The following ZNF66 variants were observed in gnomAD, a reference collection of about 807,000 sequenced individuals.
The protein encoded by ZNF66 is zinc finger protein 66.
In ZNF66, 32 loss-of-function variants were observed where a neutral mutation model predicts 35.2. The observed-to-expected ratio is 0.91, with a 90% CI of 0.69 to 1.22. The LOEUF is 1.22. Among genes scored for constraint, ZNF66 ranks in the 50% most tolerant of loss-of-function variants. ZNF66 has a pLI of 0.00. For synonymous variants in ZNF66, 231 were observed against 181.3 expected (o/e 1.27, Z -2.20); for missense variants, 666 against 543.1 (o/e 1.23, Z -2.25).
At chr19:20,805,769 A>G (rs1425737582) in intron 3 of ZNF66, 58 bp from the exon 4 acceptor site, 6 of 480,454 alleles carry the variant, frequency 1.2e-5, no homozygotes, top group South Asian at 5.5e-5. Flanking sequence ...TTAGATTTGT[A>G]AAGTATATTT....
At chr19:20,784,869 TTC>T (rs1971273434) in intron 1 of ZNF66, 2 of 152,792 alleles carry the variant, frequency 1.3e-5, no homozygotes, top group South Asian at 4.1e-4. Flanking sequence ...TTTAACTTCC[TTC>T]TCTCAAAATT....
At chr19:20,798,458 C>T (rs541675658) in intron 3 of ZNF66, among the ~76,000 whole-genome samples, 1 of 152,074 alleles carries the variant, frequency 6.6e-6, no homozygotes, top group South Asian at 2.1e-4. Flanking sequence ...AATAGCCAGG[C>T]ATGGTGGTGT....
At chr19:20,796,112 A>T (rs928449799) in intron 3 of ZNF66, among the ~76,000 whole-genome samples, 1 of 152,024 alleles carries the variant, frequency 6.6e-6, no homozygotes, top group African/African-American at 2.4e-5. Flanking sequence ...TGGTCTCAAA[A>T]TCCTGGCCTG....
rs920492451 is a variant in ZNF66, at chr19:20,808,288, A to C, written c.*966A>C. On this transcript the variant is annotated 3_prime_UTR_variant, in exon 4 of 4. Transcript: ENST00000344519. ...CCACCTCTGGGGTCAGGGCACAGAC[A>C]AAAAGACAGCAGTAACCTCTGCAGA... 6.6e-6 allele frequency among the ~76,000 whole-genome samples: 1 copy of C among 152,238 alleles called. No individual in the cohort carries two copies. The highest frequency in any genetic ancestry group is 1.5e-5 in the Non-Finnish European group (1 of 68,048).
chr19:20,786,878 C>G (rs995059184), intron 1 of ZNF66, among the ~76,000 whole-genome samples: 1 of 152,192 alleles, frequency 6.6e-6, no homozygotes, highest in Non-Finnish European at 1.5e-5. Context: ...TCTTCTGTCT[C>G]AGCCTCCCCA....
Position 20,806,079 on chromosome 19 carries a change from C to A in ZNF66, c.479C>A (p.Thr160Lys). The change falls in exon 4 of 4, where the codon ACA becomes AAA. Residue 160 changes from threonine (T) to lysine (K), a missense_variant. Physicochemically the swap from Thr to Lys is moderately conservative, Grantham distance 78. Coordinates refer to ENST00000344519, the MANE Select transcript of ZNF66 (RefSeq NM_001355197.2). ...HGKVFHQFSN[T>K]NRHKIRHTGK... ...AAAGTCTTTCATCAATTTTCAAATA[C>A]AAACAGACATAAGATAAGACATACT... 1.1e-6 allele frequency: 1 copy of A among 870,600 alleles called. No homozygotes were observed. The highest frequency in any genetic ancestry group is 1.9e-6 in the Non-Finnish European group (1 of 522,228). The allele number at this position is 870,600 out of a possible 1,614,324, so 53.9% of individuals were successfully genotyped here. A position where few individuals can be genotyped will look rare whatever the true frequency, so the allele number is the denominator to read the frequency against.
At chr19:20,782,872 A>G (rs1377417527) in intron 1 of ZNF66, among the ~76,000 whole-genome samples, 3 of 151,930 alleles carry the variant, frequency 2.0e-5, no homozygotes, top group Non-Finnish European at 2.9e-5. Flanking sequence ...CCATTTGTCA[A>G]TTTTTGCTTT....
At position 20,776,362 on chromosome 19, in the gene ZNF66, C is replaced by A; in HGVS notation, c.-86C>A. On this transcript the variant is annotated 5_prime_UTR_variant, in exon 1 of 4. Coordinates refer to ENST00000344519, the MANE Select transcript of ZNF66 (RefSeq NM_001355197.2). Reference sequence around the variant, plus strand: ...GTTCACTGCTCTCTGTCTTCTTCTCCTAGAGGCCCAGCCTCTGTGGCCCTG... The same window carrying A: ...GTTCACTGCTCTCTGTCTTCTTCTCATAGAGGCCCAGCCTCTGTGGCCCTG... The A allele has an allele frequency of 6.6e-7, 1 of 1,505,804 alleles. No homozygotes were observed. 93.3% of individuals were successfully genotyped at this position (1,505,804 alleles called of 1,614,324 possible).
At chr19:20,804,555 T>C (rs1243847147) in intron 3 of ZNF66, among the ~76,000 whole-genome samples, 1 of 152,192 alleles carries the variant, frequency 6.6e-6, no homozygotes, top group Non-Finnish European at 1.5e-5. Flanking sequence ...TATTTTATTA[T>C]ATTTTTGAGA....
At chr19:20,799,335 T>G (rs902020996) in intron 3 of ZNF66, 3 of 152,134 alleles carry the variant, frequency 2.0e-5, no homozygotes, top group African/African-American at 7.2e-5. Flanking sequence ...GTGCTAGGAT[T>G]ACAGGCTTGA....
In ZNF66 at chr19:20,808,039, A is replaced by C. The variant is rs1027027482; in HGVS notation, c.*717A>C. Among the ~76,000 whole-genome samples the C allele has an allele frequency of 2.6e-5, 4 of 152,196 alleles. No homozygotes were observed. The highest frequency in any genetic ancestry group is 4.4e-5 in the Non-Finnish European group (3 of 68,024). On this transcript the variant is annotated 3_prime_UTR_variant, in exon 4 of 4. Coordinates refer to ENST00000344519, the MANE Select transcript of ZNF66 (RefSeq NM_001355197.2). ...ACTGCGCAATTCCAATGGGCTTAAAAAATGGCACACCAGATTATATCCTGC... is the reference window on the plus strand; with the variant it reads ...ACTGCGCAATTCCAATGGGCTTAAACAATGGCACACCAGATTATATCCTGC...
Position 20,809,363 on chromosome 19 carries a change from C to A in ZNF66, c.*2041C>A, listed in dbSNP as rs1296475002. ...AGATACTCCTTGAGAAGAGCAACTC[C>A]AAGACACATAATTGTCAGATTCACC... On this transcript the variant is annotated 3_prime_UTR_variant, in exon 4 of 4. Coordinates refer to ENST00000344519, the MANE Select transcript of ZNF66 (RefSeq NM_001355197.2). Among the ~76,000 whole-genome samples, 1 of 151,846 alleles carries A rather than the reference C, an allele frequency of 6.6e-6. No individual in the cohort carries two copies. The highest frequency in any genetic ancestry group is 2.4e-5 in the African/African-American group (1 of 41,342).
At chr19:20,801,488 C>T (rs962996108) in intron 3 of ZNF66, among the ~76,000 whole-genome samples, 4 of 152,000 alleles carry the variant, frequency 2.6e-5, no homozygotes, top group Non-Finnish European at 4.4e-5. Flanking sequence ...GGATTACAGG[C>T]ACATGCCACC....
chr19:20,804,213 CTGAA>C (rs1163851221), intron 3 of ZNF66, among the ~76,000 whole-genome samples: 2 of 151,626 alleles, frequency 1.3e-5, no homozygotes, highest in Non-Finnish European at 2.9e-5. Context: ...ATTTAACTTA[CTGAA>C]TATTATTCAA....
At chr19:20,805,636 A>G (rs185587637) in intron 3 of ZNF66, among the ~76,000 whole-genome samples, 191 bp from the exon 4 acceptor site, 1 of 152,108 alleles carries the variant, frequency 6.6e-6, no homozygotes, top group African/African-American at 2.4e-5. Flanking sequence ...ACTCATTTAT[A>G]AATTTTTTAC....
rs527837386 is a variant in ZNF66, at chr19:20,782,712, G to A, written c.3+6262G>A. Among the ~76,000 whole-genome samples the A allele has an allele frequency of 5.3e-4, 80 of 152,192 alleles. 1 individual carries two copies. Among genetic ancestry groups the A allele is most frequent in the African/African-American group, 1.9e-3 (79 of 41,534 alleles). On this transcript the variant is annotated intron_variant, in intron 1 of 3. Coordinates refer to ENST00000344519, the MANE Select transcript of ZNF66 (RefSeq NM_001355197.2). ...GTGTTTTTGCCTACAATTTAATGAA[G>A]TTGTTTGGTTTTTTCTTTTAAACTT...
At chr19:20,782,018 C>T (rs1971249999) in intron 1 of ZNF66, among the ~76,000 whole-genome samples, 1 of 152,172 alleles carries the variant, frequency 6.6e-6, no homozygotes, top group Admixed American at 6.5e-5. Context: ...CTTACTTTAA[C>T]CTCAACCTCC....
chr19:20,809,314 C>T lies in ZNF66; in HGVS notation c.*1992C>T, dbSNP rs1465760831. On this transcript the variant is annotated 3_prime_UTR_variant, in exon 4 of 4. Coordinates refer to ENST00000344519, the MANE Select transcript of ZNF66 (RefSeq NM_001355197.2). ...AGCAAGGCAGGCCAACATTCAGATTCAGGAAATACAGAGAACGCCACAAAG... is the reference window on the plus strand; with the variant it reads ...AGCAAGGCAGGCCAACATTCAGATTTAGGAAATACAGAGAACGCCACAAAG... Among the ~76,000 whole-genome samples the T allele has an allele frequency of 6.6e-6, 1 of 151,946 alleles. No homozygotes were observed. The highest frequency in any genetic ancestry group is 1.5e-5 in the Non-Finnish European group (1 of 67,990).
At chr19:20,784,374 G>C (rs1971269242) in intron 1 of ZNF66, among the ~76,000 whole-genome samples, 1 of 152,040 alleles carries the variant, frequency 6.6e-6, no homozygotes. Flanking sequence ...AATTATTACA[G>C]TAGATATTTG....
Sources: gnomAD v4.1 joint callset for allele counts (sites outside exome capture counted in the v4.1 genomes callset) on GRCh38, gnomAD v4.1.1 for gene constraint, MANE v1.5 for transcripts, NCBI Gene and HGNC (gene_info 2026-07-23, HGNC 2026-07-21) for gene names.